The following KCNQ5 variants were observed in gnomAD, a reference collection of about 807,000 sequenced individuals.
KCNQ5 encodes the protein potassium voltage-gated channel subfamily KQT member 5.
In KCNQ5, 30 loss-of-function variants were observed where a neutral mutation model predicts 98.2. The observed-to-expected ratio is 0.31, with a 90% CI of 0.23 to 0.41. The LOEUF is 0.41. KCNQ5 is among the 10% of genes least tolerant of loss of function. The pLI, the probability that KCNQ5 is intolerant of heterozygous loss-of-function variation, is 1.00. For synonymous variants in KCNQ5, 458 were observed against 449.4 expected (o/e 1.02, Z -0.24); for missense variants, 835 against 1,182.5 (o/e 0.71, Z 4.31).
intron 1 of KCNQ5, among the ~76,000 whole-genome samples, chr6:72,972,018 T>C (rs576146354): frequency 1.3e-5 from 2 of 152,280 alleles, no homozygotes; most frequent in East Asian, 3.9e-4. Context: ...TATGATCTAG[T>C]GAGTTCTGTG....
At chr6:72,682,123 T>C (rs1391642797) in intron 1 of KCNQ5, among the ~76,000 whole-genome samples, 2 of 152,228 alleles carry the variant, frequency 1.3e-5, no homozygotes, top group African/African-American at 4.8e-5. Context: ...TTTTAATGCT[T>C]GGCAGTCCCA....
intron 1 of KCNQ5, among the ~76,000 whole-genome samples, chr6:72,791,614 C>G (rs1336601886): frequency 1.3e-5 from 2 of 152,124 alleles, no homozygotes; most frequent in South Asian, 4.1e-4. Context: ...GACTAATGTG[C>G]AGCAAAAGAA....
chr6:72,935,814 C>T lies in KCNQ5; in HGVS notation c.399-68094C>T, dbSNP rs1333804727. Among the ~76,000 whole-genome samples the T allele has an allele frequency of 1.3e-5, 2 of 152,138 alleles. 1 individual carries two copies. The highest frequency in any genetic ancestry group is 2.9e-5 in the Non-Finnish European group (2 of 68,020). On this transcript the variant is annotated intron_variant, in intron 1 of 13. Coordinates refer to ENST00000370398, the MANE Select transcript of KCNQ5 (RefSeq NM_019842.4). ...TGCCAAATTCAAAATCCTCACTGTA[C>T]CAAATTCAATGACATCTCATCTGCC...
rs571865016 is a variant in KCNQ5, at chr6:72,974,825, C to T, written c.399-29083C>T. Among the ~76,000 whole-genome samples the T allele has an allele frequency of 1.5e-4, 23 of 151,958 alleles. No individual in the cohort carries two copies. The South Asian group carries it at 4.2e-3, about 27-fold the overall frequency. ...CACCATCTCGGCTCACTGCAACCTC[C>T]GCCTCCCGGGTTCAAGCAATTCTCC... is the stretch of plus-strand genomic sequence containing the variant. On this transcript the variant is annotated intron_variant, in intron 1 of 13. Transcript: ENST00000370398.
At chr6:72,869,090 C>T (rs1778102842) in intron 1 of KCNQ5, among the ~76,000 whole-genome samples, 1 of 152,120 alleles carries the variant, frequency 6.6e-6, no homozygotes, top group South Asian at 2.1e-4. Context: ...AAAACATCAC[C>T]TGTACCCCAC....
chr6:72,741,151 G>C (rs1771113308), intron 1 of KCNQ5, among the ~76,000 whole-genome samples: 1 of 152,214 alleles, frequency 6.6e-6, no homozygotes, highest in African/African-American at 2.4e-5. Context: ...AAGCTGAATA[G>C]GCAACGAGTT....
At chr6:72,805,576 G>A (rs572849608) in intron 1 of KCNQ5, among the ~76,000 whole-genome samples, 1 of 152,182 alleles carries the variant, frequency 6.6e-6, no homozygotes, top group East Asian at 1.9e-4. Context: ...CTATACCTCT[G>A]TGGTACAATT....
At chr6:73,041,054 G>A (rs773614175) in intron 2 of KCNQ5, among the ~76,000 whole-genome samples, 60 of 152,262 alleles carry the variant, frequency 3.9e-4, no homozygotes, top group Middle Eastern at 3.4e-3. Context: ...AAACAAGAAA[G>A]TGAATTATTT....
intron 1 of KCNQ5, among the ~76,000 whole-genome samples, chr6:72,784,926 C>T (rs768474731): frequency 1.3e-5 from 2 of 152,094 alleles, no homozygotes; most frequent in African/African-American, 2.4e-5. Flanking sequence ...ATGAGTCAAG[C>T]CCAAATTATC....
intron 1 of KCNQ5, among the ~76,000 whole-genome samples, chr6:72,845,931 A>G (rs1380012373): frequency 6.6e-6 from 1 of 152,142 alleles, no homozygotes; most frequent in Non-Finnish European, 1.5e-5. Flanking sequence ...TACTCACTGA[A>G]TCCCCACTGC....
At chr6:72,668,804 G>C (rs1456323230) in intron 1 of KCNQ5, among the ~76,000 whole-genome samples, 2 of 145,698 alleles carry the variant, frequency 1.4e-5, no homozygotes, top group Non-Finnish European at 3.0e-5. Flanking sequence ...CCAGAAAGAG[G>C]GCCTCCTCAG....
intron 1 of KCNQ5, among the ~76,000 whole-genome samples, chr6:72,748,006 T>C (rs1771491036): frequency 6.6e-6 from 1 of 152,158 alleles, no homozygotes; most frequent in Non-Finnish European, 1.5e-5. Context: ...AAATCTTCAG[T>C]CTTTTTCGTT....
At chr6:73,071,908 C>T (rs1299496633) in intron 3 of KCNQ5, among the ~76,000 whole-genome samples, 1 of 152,080 alleles carries the variant, frequency 6.6e-6, no homozygotes, top group Non-Finnish European at 1.5e-5. Flanking sequence ...ACCTTATATA[C>T]ATTTGTATTG....
chr6:72,948,710 T>C (rs6902903), intron 1 of KCNQ5, among the ~76,000 whole-genome samples: 152,140 of 152,226 alleles, frequency 1, 76,027 homozygotes, highest in Middle Eastern at 1. Context: ...GATTAACATA[T>C]GCCAAGAGTT....
intron 1 of KCNQ5, among the ~76,000 whole-genome samples, chr6:72,653,508 A>G (rs1765981993): frequency 6.6e-6 from 1 of 152,084 alleles, no homozygotes; most frequent in Non-Finnish European, 1.5e-5. Context: ...GATTTTTACC[A>G]ATGACATTAT....
intron 1 of KCNQ5, among the ~76,000 whole-genome samples, chr6:72,793,392 T>C (rs1022201137): frequency 6.6e-6 from 1 of 152,202 alleles, no homozygotes; most frequent in Non-Finnish European, 1.5e-5. Flanking sequence ...GCCCATATTA[T>C]TATACATTTG....
At chr6:72,831,097 G>T (rs1028812440) in intron 1 of KCNQ5, among the ~76,000 whole-genome samples, 1 of 152,180 alleles carries the variant, frequency 6.6e-6, no homozygotes, top group Non-Finnish European at 1.5e-5. Context: ...TGGAGAGGAC[G>T]TGGAGAAATA....
intron 3 of KCNQ5, among the ~76,000 whole-genome samples, chr6:73,050,257 G>GGGAA (rs1208611192): frequency 0.038 from 2,888 of 76,272 alleles, 161 homozygotes; most frequent in East Asian, 0.12. Flanking sequence ...GAAGGAAGGA[G>GGGAA]GGAAGGAAGG....
Position 72,625,211 on chromosome 6 carries a change from A to G in KCNQ5, c.398+2624A>G, listed in dbSNP as rs1457269865. Among the ~76,000 whole-genome samples the G allele has an allele frequency of 2.6e-5, 4 of 152,362 alleles. No individual in the cohort carries two copies. In the East Asian group the frequency reaches 7.7e-4, roughly 29 times the overall value. On this transcript the variant is annotated intron_variant, in intron 1 of 13. Transcript: ENST00000370398. ...AATTTCTATTATTTATGCAAAAATA[A>G]TTATTATAATGGTATTTTAGGGTTA...
Sources: allele counts gnomAD v4.1 joint callset (sites outside exome capture counted in the v4.1 genomes callset), GRCh38; gene constraint gnomAD v4.1.1; transcripts MANE v1.5; gene names NCBI Gene and HGNC (gene_info 2026-07-23, HGNC 2026-07-21).